TMEM74B: variants seen among roughly 807,000 people sequenced by gnomAD.
TMEM74B encodes the protein transmembrane protein C20orf46.
In TMEM74B, 7 loss-of-function variants were observed where a neutral mutation model predicts 6.5. The ratio of observed to expected loss-of-function variants is 1.07; its 90% confidence interval spans 0.61 to 2.01. The LOEUF (loss-of-function observed/expected upper bound fraction) is 2.01. Among genes scored for constraint, TMEM74B ranks in the 30% most tolerant of loss-of-function variants. The pLI, the probability that TMEM74B is intolerant of heterozygous loss-of-function variation, is 0.00. For missense variants in TMEM74B, 342 were observed against 337.0 expected (o/e 1.01, Z -0.12); for synonymous variants, 151 against 151.6 (o/e 1.00, Z 0.03).
upstream of TMEM74B, among the ~76,000 whole-genome samples, chr20:1,188,390 T>C (rs1361728504): frequency 6.7e-6 from 1 of 149,850 alleles, no homozygotes; most frequent in South Asian, 2.1e-4. Flanking sequence ...CATCTGATAG[T>C]GCCAGAAAGT....
In TMEM74B at chr20:1,183,249, T is replaced by G. The variant is rs1035452984; in HGVS notation, c.31+522A>C. 7.9e-5 allele frequency among the ~76,000 whole-genome samples: 12 copies of G among 152,098 alleles called. 1 individual carries two copies. The highest frequency in any genetic ancestry group is 2.9e-4 in the African/African-American group (12 of 41,402). ...CACACACACACGATTCTCTGCATTC[T>G]CATGCCGGAGTTTATTCTCCAGTGC... On this transcript the variant is annotated intron_variant, in intron 2 of 2. Transcript: ENST00000429036.
Position 1,184,355 on chromosome 20 carries a change from T to C in TMEM74B, c.-201A>G, listed in dbSNP as rs2086958630. ...GCCCAGGTTCAGAGATATTCACCAGTTACACAAAGGCCGTGCCCAATTACC... is the reference window on the plus strand; with the variant it reads ...GCCCAGGTTCAGAGATATTCACCAGCTACACAAAGGCCGTGCCCAATTACC... On this transcript the variant is annotated 5_prime_UTR_variant, in exon 1 of 3. Transcript: ENST00000429036. This position sits in a 1 kb window ranked among gnomAD's most constrained non-coding sequence, Gnocchi z 6.0. 1 of 152,514 alleles carries C rather than the reference T, an allele frequency of 6.6e-6. No homozygotes were observed. Among genetic ancestry groups the C allele is most frequent in the African/African-American group, 2.4e-5 (1 of 41,350 alleles). 9.4% of individuals were successfully genotyped at this position (152,514 alleles called of 1,614,324 possible). A position where few individuals can be genotyped will look rare whatever the true frequency, so the allele number is the denominator to read the frequency against.
chr20:1,181,342 A>G lies in TMEM74B; in HGVS notation c.277T>C (p.Ser93Pro), dbSNP rs1310097610. ...TCATCCCGCTGGGATCGGGGCAGTG[A>G]GGAGACACCCCCAGGGGGACTGGGT... ...SSPSPPGGVS[S>P]LPRSQRDDLS... Residue 93 changes from serine (S) to proline (P), a missense_variant, in exon 3 of 3, where the codon TCA becomes CCA. Transcript: ENST00000429036. This position sits in a 1 kb window ranked among gnomAD's most constrained non-coding sequence, Gnocchi z 4.9. 2 of 1,583,786 alleles carry G rather than the reference A, an allele frequency of 1.3e-6. No individual in the cohort carries two copies. Among genetic ancestry groups the G allele is most frequent in the African/African-American group, 2.7e-5 (2 of 74,382 alleles).
upstream of TMEM74B, among the ~76,000 whole-genome samples, chr20:1,187,389 A>G (rs2087035232): frequency 6.6e-6 from 1 of 152,240 alleles, no homozygotes; most frequent in South Asian, 2.1e-4. Context: ...GCTCTGGATA[A>G]GTGCTCACTG....
chr20:1,181,666 C>T lies in TMEM74B; in HGVS notation c.32-79G>A, dbSNP rs1600188902. The T allele has an allele frequency of 1.4e-6, 2 of 1,379,502 alleles. No individual in the cohort carries two copies. The highest frequency in any genetic ancestry group is 2.7e-5 in the East Asian group (1 of 37,590). The allele number at this position is 1,379,502 out of a possible 1,614,324, so 85.5% of individuals were successfully genotyped here. A position where few individuals can be genotyped will look rare whatever the true frequency, so the allele number is the denominator to read the frequency against. On this transcript the variant is annotated intron_variant, in intron 2 of 2. Coordinates refer to ENST00000429036, the MANE Select transcript of TMEM74B (RefSeq NM_001304748.2). This position sits in a 1 kb window ranked among gnomAD's most constrained non-coding sequence, Gnocchi z 4.9. ...AGGACATCATACCAGTCCCTAAGCACATGAAGGTGAGTCAGGCACAATTCC... is the reference window on the plus strand; with the variant it reads ...AGGACATCATACCAGTCCCTAAGCATATGAAGGTGAGTCAGGCACAATTCC...
At chr20:1,182,677 ACT>A (rs1568495521) in intron 2 of TMEM74B, among the ~76,000 whole-genome samples, 2 of 151,956 alleles carry the variant, frequency 1.3e-5, no homozygotes, top group African/African-American at 4.8e-5. Context: ...GAAGAGGGAC[ACT>A]CTCTGTGCTG....
At position 1,181,514 on chromosome 20, in the gene TMEM74B, T is replaced by A; in HGVS notation, c.105A>T (p.Thr35=). The A allele has an allele frequency of 1.3e-6, 2 of 1,499,684 alleles. No homozygotes were observed. Among genetic ancestry groups the A allele is most frequent in the Non-Finnish European group, 1.8e-6 (2 of 1,126,794 alleles). The allele number at this position is 1,499,684 out of a possible 1,614,324, so 92.9% of individuals were successfully genotyped here. A position where few individuals can be genotyped will look rare whatever the true frequency, so the allele number is the denominator to read the frequency against. The change falls in exon 3 of 3, where the codon ACA becomes ACT. Residue 35 remains threonine (T), a synonymous_variant. Coordinates refer to ENST00000429036, the MANE Select transcript of TMEM74B (RefSeq NM_001304748.2). The surrounding 1 kb of genome is among the most constrained non-coding windows in gnomAD (Gnocchi z 4.9). ...TTGGGGCTTGGGGACCATTGCTCAGTGTCTTCAGTTCCAGACCAGGGGGAG... is the reference window on the plus strand; with the variant it reads ...TTGGGGCTTGGGGACCATTGCTCAGAGTCTTCAGTTCCAGACCAGGGGGAG... ...MASPPGLELK[T]LSNGPQAPRR... is the part of the protein sequence containing the mutation.
At chr20:1,183,686 A>G (rs2086940647) in intron 2 of TMEM74B, 85 bp downstream of exon 2, 3 of 1,518,766 alleles carry the variant, frequency 2.0e-6, no homozygotes, top group African/African-American at 1.4e-5. Flanking sequence ...TTCATAAAAC[A>G]TGGCCAAGAT....
In TMEM74B at chr20:1,184,597, T is replaced by A. The variant is rs1388401634; in HGVS notation, c.-443A>T. ...CCCTCGGATCTTCGGGCCACGCGAG[T>A]ACCCCGTCACACGCACACGCGCGTA... On this transcript the variant is annotated 5_prime_UTR_variant, in exon 1 of 3. Transcript: ENST00000429036. The surrounding 1 kb of genome is among the most constrained non-coding windows in gnomAD (Gnocchi z 6.0). 6.7e-6 allele frequency: 1 copy of A among 148,274 alleles called. No homozygotes were observed. Among genetic ancestry groups the A allele is most frequent in the African/African-American group, 2.5e-5 (1 of 39,552 alleles). 9.2% of individuals were successfully genotyped at this position (148,274 alleles called of 1,614,324 possible). A position where few individuals can be genotyped will look rare whatever the true frequency, so the allele number is the denominator to read the frequency against.
At chr20:1,188,455 ACT>A (rs2087044535), upstream of TMEM74B, among the ~76,000 whole-genome samples, 1 of 148,754 alleles carries the variant, frequency 6.7e-6, no homozygotes, top group Non-Finnish European at 1.5e-5. Flanking sequence ...TGCCACACAC[ACT>A]CTACACACAC....
rs1032162402 is a variant in TMEM74B at position 1,184,847 on chromosome 20, G to A, written c.-693C>T. On this transcript the variant is annotated 5_prime_UTR_variant, in exon 1 of 3. Coordinates refer to ENST00000429036, the MANE Select transcript of TMEM74B (RefSeq NM_001304748.2). The surrounding 1 kb of genome is among the most constrained non-coding windows in gnomAD (Gnocchi z 6.0). ...CCTTGGGGCGCGCAGATACGCACAC[G>A]CAGGTCCACGCTGTTGTACCCAAAG... Among the ~76,000 whole-genome samples, 1 of 152,220 alleles carries A rather than the reference G, an allele frequency of 6.6e-6. No individual in the cohort carries two copies. The highest frequency in any genetic ancestry group is 2.4e-5 in the African/African-American group (1 of 41,472).
intron 2 of TMEM74B, among the ~76,000 whole-genome samples, chr20:1,182,706 A>C (rs962311190): frequency 1.3e-5 from 2 of 152,046 alleles, no homozygotes; most frequent in Non-Finnish European, 2.9e-5. Context: ...GAGTTACCCC[A>C]CCCAAGAACC....
In TMEM74B at chr20:1,180,910, C is replaced by T. The variant is rs747449331; in HGVS notation, c.709G>A (p.Ala237Thr). ...MRQLNGDGGQALVENEVVQVS... is the reference protein window; with the variant it reads ...MRQLNGDGGQTLVENEVVQVS... ...TGGACAACTTCATTCTCCACCAGGG[C>T]CTGGCCCCCATCCCCATTGAGCTGT... is the stretch of plus-strand genomic sequence containing the variant. The change falls in exon 3 of 3, where the codon GCC becomes ACC. Residue 237 changes from alanine to threonine, a missense_variant. Transcript: ENST00000429036. This position sits in a 1 kb window ranked among gnomAD's most constrained non-coding sequence, Gnocchi z 6.1. 5.6e-6 allele frequency: 9 copies of T among 1,613,272 alleles called. No homozygotes were observed. The highest frequency in any genetic ancestry group is 7.6e-6 in the Non-Finnish European group (9 of 1,179,440).
Position 1,181,325 on chromosome 20 carries a change from C to A in TMEM74B, c.294G>T (p.Gln98His). Residue 98 changes from glutamine to histidine, a missense_variant, in exon 3 of 3, where the codon CAG becomes CAT. By Grantham distance (24) the Gln-to-His change is conservative (BLOSUM62 0). Transcript: ENST00000429036. This position sits in a 1 kb window ranked among gnomAD's most constrained non-coding sequence, Gnocchi z 4.9. ...PGGVSSLPRSQRDDLSLHSEE... is the reference protein window; with the variant it reads ...PGGVSSLPRSHRDDLSLHSEE... ...CTGAATGAAGGGACAGATCATCCCG[C>A]TGGGATCGGGGCAGTGAGGAGACAC... is the stretch of plus-strand genomic sequence containing the variant. 6.2e-7 allele frequency: 1 copy of A among 1,601,136 alleles called. No homozygotes were observed. Among genetic ancestry groups the A allele is most frequent in the Non-Finnish European group, 8.5e-7 (1 of 1,172,740 alleles).
At chr20:1,183,118 T>C (rs932533159) in intron 2 of TMEM74B, among the ~76,000 whole-genome samples, 17 of 152,184 alleles carry the variant, frequency 1.1e-4, no homozygotes, top group African/African-American at 3.1e-4. Context: ...ACTGATGGCC[T>C]GAGGGCACAT....
chr20:1,183,108 A>C (rs776755736), intron 2 of TMEM74B, among the ~76,000 whole-genome samples: 1 of 152,106 alleles, frequency 6.6e-6, no homozygotes, highest in Non-Finnish European at 1.5e-5. Context: ...CCTTGTATAC[A>C]CTGATGGCCT....
Position 1,181,051 on chromosome 20 carries a change from G to C in TMEM74B, c.568C>G (p.Leu190Val). ...GLGLLTVGGM[L>V]LSVLLMVSLC... is the part of the protein sequence containing the mutation. ...GAGACCATGAGCAGCACCGACAAGA[G>C]CATGCCGCCCACCGTGAGCAGCCCG... The change falls in exon 3 of 3, where the codon CTC becomes GTC. Residue 190 changes from leucine (L) to valine (V), a missense_variant. By Grantham distance (32) the Leu-to-Val change is conservative. Transcript: ENST00000429036. This position sits in a 1 kb window ranked among gnomAD's most constrained non-coding sequence, Gnocchi z 4.9. The C allele has an allele frequency of 1.9e-6, 3 of 1,613,362 alleles. No individual in the cohort carries two copies. The highest frequency in any genetic ancestry group is 2.5e-6 in the Non-Finnish European group (3 of 1,179,762).
At position 1,183,199 on chromosome 20, in the gene TMEM74B, C is replaced by T. The variant is rs142396272; in HGVS notation, c.31+572G>A. On this transcript the variant is annotated intron_variant, in intron 2 of 2. Transcript: ENST00000429036. ...CAGGTGCAGAGTGGCTCACATGCTCCGGTGTGTCTACGCACACATACATGC... is the reference window on the plus strand; with the variant it reads ...CAGGTGCAGAGTGGCTCACATGCTCTGGTGTGTCTACGCACACATACATGC... 5.0e-3 allele frequency among the ~76,000 whole-genome samples: 761 copies of T among 152,270 alleles called. 3 individuals carry two copies. The highest frequency in any genetic ancestry group is 6.5e-3 in the Non-Finnish European group (445 of 68,028).
Position 1,181,183 on chromosome 20 carries a change from C to G in TMEM74B, c.436G>C (p.Glu146Gln). The G allele has an allele frequency of 1.2e-6, 2 of 1,614,196 alleles. No homozygotes were observed. Among genetic ancestry groups the G allele is most frequent in the Non-Finnish European group, 1.7e-6 (2 of 1,180,026 alleles). ...ACTGTGTCCGGATTGACTCGAGCCT[C>G]ACGGGGGATGGCGTATGCTGTCACC... Reference protein sequence around the residue: ...LVVTAYAIPREARVNPDTVTA... With the variant: ...LVVTAYAIPRQARVNPDTVTA... Residue 146 changes from glutamate (E) to glutamine (Q), a missense_variant, in exon 3 of 3, where the codon GAG (glutamate) becomes CAG (glutamine). Glu to Gln is a conservative substitution (Grantham distance 29). Coordinates refer to ENST00000429036, the MANE Select transcript of TMEM74B (RefSeq NM_001304748.2). This position sits in a 1 kb window ranked among gnomAD's most constrained non-coding sequence, Gnocchi z 4.9.
Sources: gnomAD v4.1 joint callset for allele counts (sites outside exome capture counted in the v4.1 genomes callset) on GRCh38, gnomAD v4.1.1 for gene constraint, Gnocchi (gnomAD v3.1) non-coding constraint, MANE v1.5 for transcripts, NCBI Gene and HGNC (gene_info 2026-07-23, HGNC 2026-07-21) for gene names.